Variants in ASCC3 observed in about 807,000 individuals in gnomAD.
The protein encoded by ASCC3 is activating signal cointegrator 1 complex subunit 3, also known as ASC-1 complex subunit P200.
A neutral mutation model predicts 256.3 loss-of-function variants in ASCC3; 158 were observed. That is an observed-to-expected ratio of 0.62 (90% CI 0.54 to 0.70). The LOEUF is 0.70. Ranked by LOEUF, ASCC3 falls within the 30% of genes least tolerant of loss-of-function variation. The pLI is 0.00. For synonymous variants in ASCC3, 948 were observed against 883.4 expected (o/e 1.07, Z -1.30); for missense variants, 2,259 against 2,626.0 (o/e 0.86, Z 3.05).
chr6:100,624,880 A>G (rs2114852838), intron 30 of ASCC3, among the ~76,000 whole-genome samples: 1 of 152,042 alleles, frequency 6.6e-6, no homozygotes, highest in South Asian at 2.1e-4. Flanking sequence ...TATATTTTTT[A>G]AAACCCAAAT....
chr6:100,712,458 A>C (rs1471236274), intron 13 of ASCC3, among the ~76,000 whole-genome samples: 1 of 152,210 alleles, frequency 6.6e-6, no homozygotes, highest in African/African-American at 2.4e-5. Context: ...TGGGCAAAAG[A>C]CTTGAAAAGA....
At chr6:100,695,146 C>T (rs1562232074) in intron 13 of ASCC3, among the ~76,000 whole-genome samples, 1 of 152,042 alleles carries the variant, frequency 6.6e-6, no homozygotes, top group Non-Finnish European at 1.5e-5. Context: ...TAGACAAACT[C>T]AAATTGGGAG....
At position 100,760,414 on chromosome 6, in the gene ASCC3, G is replaced by A. The variant is rs1027571288; in HGVS notation, c.1737+6151C>T. ...TCTGCATCTATTGAGATAATCGTGT[G>A]GTTTATGGATTACATTTATTGATTT... On this transcript the variant is annotated intron_variant, in intron 10 of 41. Coordinates refer to ENST00000369162, the MANE Select transcript of ASCC3 (RefSeq NM_006828.4). 2.5e-4 allele frequency among the ~76,000 whole-genome samples: 38 copies of A among 152,072 alleles called. 2 individuals carry two copies. Among genetic ancestry groups the A allele is most frequent in the Admixed American group, 1.5e-3 (23 of 15,258 alleles).
chr6:100,530,837 T>C (rs1182502337), intron 37 of ASCC3: 4 of 1,240,398 alleles, frequency 3.2e-6, no homozygotes, highest in Non-Finnish European at 4.8e-6. Flanking sequence ...TAGTGCTTAA[T>C]AGAAGATTTA....
intron 30 of ASCC3, among the ~76,000 whole-genome samples, chr6:100,609,785 C>A (rs1773300812): frequency 6.6e-6 from 1 of 152,046 alleles, no homozygotes; most frequent in South Asian, 2.1e-4. Flanking sequence ...GTGGTGCATG[C>A]CTGTAACCCC....
At chr6:100,517,900 T>A in intron 38 of ASCC3, 91 bp downstream of exon 38, 1 of 1,366,502 alleles carries the variant, frequency 7.3e-7, no homozygotes. Flanking sequence ...ATCAGTATTC[T>A]CCATAACATA....
At chr6:100,616,950 G>A (rs1048307853) in intron 30 of ASCC3, among the ~76,000 whole-genome samples, 2 of 152,060 alleles carry the variant, frequency 1.3e-5, no homozygotes, top group African/African-American at 4.8e-5. Flanking sequence ...CCCAGAAAAG[G>A]AATCTCATCT....
intron 8 of ASCC3, among the ~76,000 whole-genome samples, chr6:100,789,743 C>T (rs778585802): frequency 3.3e-5 from 5 of 151,846 alleles, no homozygotes; most frequent in Non-Finnish European, 5.9e-5. Context: ...AAGGAACAAG[C>T]AAAACATTTA....
At chr6:100,531,811 T>A (rs1774893536) in intron 37 of ASCC3, among the ~76,000 whole-genome samples, 1 of 152,132 alleles carries the variant, frequency 6.6e-6, no homozygotes, top group African/African-American at 2.4e-5. Flanking sequence ...GCCCGCATAA[T>A]GTAAGATTCT....
chr6:100,734,771 AGC>A (rs1780069948), intron 10 of ASCC3, among the ~76,000 whole-genome samples: 2 of 152,196 alleles, frequency 1.3e-5, no homozygotes, highest in Admixed American at 6.5e-5. Context: ...TAAAATCATA[AGC>A]AAGGTAGTAG....
chr6:100,644,036 T>C lies in ASCC3; in HGVS notation c.3727A>G (p.Lys1243Glu). The C allele has an allele frequency of 1.2e-6, 2 of 1,607,370 alleles. No homozygotes were observed. The highest frequency in any genetic ancestry group is 1.1e-5 in the South Asian group (1 of 90,928). Residue 1243 changes from lysine (K) to glutamate (E), a missense_variant, in exon 23 of 42, where the codon AAA becomes GAA. Lys to Glu is a moderately conservative substitution (Grantham distance 56). Around this residue, in one of 2 missense-constraint regions of ASCC3, gnomAD observed 1,839 missense variants for 2,206.7 expected, o/e 0.83. Transcript: ENST00000369162. ...ATTCACATATATACACTTACTTGTTTTTTTAGAGCTAGAAAATACTCTGAA... is the reference window on the plus strand; with the variant it reads ...ATTCACATATATACACTTACTTGTTCTTTTAGAGCTAGAAAATACTCTGAA... ...YHSEYFLALK[K>E]QVISKEAQLL...
intron 34 of ASCC3, among the ~76,000 whole-genome samples, chr6:100,598,895 C>A (rs1269169000): frequency 6.6e-6 from 1 of 152,054 alleles, no homozygotes; most frequent in East Asian, 1.9e-4. Context: ...AGACTAAAAG[C>A]AGGTTAAGCA....
chr6:100,538,942 G>A (rs930811843), intron 37 of ASCC3, among the ~76,000 whole-genome samples: 1 of 151,852 alleles, frequency 6.6e-6, no homozygotes, highest in Non-Finnish European at 1.5e-5. Flanking sequence ...AATCCTTTAG[G>A]TATTCTTCCC....
intron 1 of ASCC3, among the ~76,000 whole-genome samples, chr6:100,874,366 TGAG>T (rs1773890315): frequency 6.8e-6 from 1 of 147,670 alleles, no homozygotes; most frequent in South Asian, 2.1e-4. Flanking sequence ...CTAAGGAGGC[TGAG>T]GCAGGAGAAT....
chr6:100,560,209 A>C (rs1325642654), intron 36 of ASCC3, among the ~76,000 whole-genome samples: 3 of 152,184 alleles, frequency 2.0e-5, no homozygotes, highest in Admixed American at 6.5e-5. Context: ...TTAACTCATA[A>C]AATTAATCAC....
At chr6:100,798,234 T>C (rs1439322010) in intron 8 of ASCC3, among the ~76,000 whole-genome samples, 1 of 152,052 alleles carries the variant, frequency 6.6e-6, no homozygotes, top group Non-Finnish European at 1.5e-5. Context: ...TAACAAATGG[T>C]GAATCCAAGC....
chr6:100,585,145 A>T (rs1278324322), intron 36 of ASCC3, among the ~76,000 whole-genome samples: 2 of 152,142 alleles, frequency 1.3e-5, no homozygotes, highest in Non-Finnish European at 2.9e-5. Context: ...AGATTGGGGA[A>T]GTTCTCCTGG....
intron 4 of ASCC3, among the ~76,000 whole-genome samples, chr6:100,806,784 A>G (rs1038299450): frequency 3.3e-5 from 5 of 151,910 alleles, no homozygotes; most frequent in African/African-American, 9.7e-5. Context: ...AAGGGACAAC[A>G]AAAGAAACAA....
At chr6:100,793,660 A>T (rs759841649) in intron 8 of ASCC3, among the ~76,000 whole-genome samples, 4 of 151,994 alleles carry the variant, frequency 2.6e-5, no homozygotes, top group Non-Finnish European at 5.9e-5. Context: ...TAAATTTCTA[A>T]TTTAATTTGG....
Sources: gnomAD v4.1 joint callset for allele counts (sites outside exome capture counted in the v4.1 genomes callset) on GRCh38, gnomAD v4.1.1 for gene constraint, gnomAD v4.1.1 regional missense constraint, MANE v1.5 for transcripts, NCBI Gene and HGNC (gene_info 2026-07-23, HGNC 2026-07-21) for gene names.